CACNG7: variants seen among roughly 807,000 people sequenced by gnomAD.
The protein encoded by CACNG7 is voltage-dependent calcium channel gamma-7 subunit.
A neutral mutation model predicts 26.3 loss-of-function variants in CACNG7; 9 were observed. The ratio of observed to expected loss-of-function variants is 0.34; its 90% CI spans 0.21 to 0.60. The LOEUF (loss-of-function observed/expected upper bound fraction) is 0.60, where lower values mean the gene tolerates loss of function less well. CACNG7 is among the 20% of genes least tolerant of loss of function. The pLI is 0.81. For synonymous variants in CACNG7, 170 were observed against 157.0 expected, an observed-to-expected ratio of 1.08 and a Z score of -0.62; for missense variants, 297 against 380.4, an observed-to-expected ratio of 0.78 and a Z score of 1.82.
At chr19:53,924,809 CTTGCCCCAGGTCTGGTCATTGGTGGAG>C (rs2069010353) in intron 4 of CACNG7, among the ~76,000 whole-genome samples, 1 of 97,698 alleles carries the variant, frequency 1.0e-5, no homozygotes, top group African/African-American at 4.5e-5. Flanking sequence ...CATTGGTGGA[CTTGCCCCAGGTCTGGTCATTGGTGGAG>C]TTGCCCCAGG....
In CACNG7 at chr19:53,940,085, T is replaced by C. The variant is rs2069128281; in HGVS notation, c.425-1385T>C. Among the ~76,000 whole-genome samples the C allele has an allele frequency of 1.3e-5, 2 of 152,112 alleles. No individual in the cohort carries two copies. Among genetic ancestry groups the C allele is most frequent in the South Asian group, 2.1e-4 (1 of 4,816 alleles). On this transcript the variant is annotated intron_variant, in intron 4 of 5. Coordinates refer to ENST00000391767, the MANE Select transcript of CACNG7 (RefSeq NM_031896.5). The surrounding 1 kb of genome is among the most constrained non-coding windows in gnomAD (Gnocchi z 4.1). ...GTAGGATTCTAGGGGAAGAGGTTGA[T>C]AGGGATTAGTTAGATACATTTAAGG... is the stretch of plus-strand genomic sequence containing the variant.
intron 4 of CACNG7, among the ~76,000 whole-genome samples, chr19:53,923,061 G>C (rs1162307937): frequency 1.6e-5 from 2 of 124,598 alleles, no homozygotes; most frequent in Non-Finnish European, 3.3e-5. Flanking sequence ...CATTGGTGCA[G>C]TTGTCCCCAG....
chr19:53,937,483 A>G (rs2069111987), intron 4 of CACNG7, among the ~76,000 whole-genome samples: 2 of 152,144 alleles, frequency 1.3e-5, no homozygotes. Context: ...GTGGTAGCTC[A>G]TCATATTTTT....
Position 53,913,010 on chromosome 19 carries a change from G to C in CACNG7, c.179G>C (p.Arg60Pro). ...VKMALHAGLWRVCFFAGREKG... is the reference protein window; with the variant it reads ...VKMALHAGLWPVCFFAGREKG... ...ATGGCCCTGCACGCCGGCCTCTGGC[G>C]AGTCTGCTTCTTTGCAGGTACAGCC... Residue 60 changes from arginine to proline, a missense_variant, in exon 2 of 6, where the codon CGA (arginine) becomes CCA (proline). Coordinates refer to ENST00000391767, the MANE Select transcript of CACNG7 (RefSeq NM_031896.5). The C allele has an allele frequency of 6.2e-7, 1 of 1,611,662 alleles. No homozygotes were observed. Among genetic ancestry groups the C allele is most frequent in the Non-Finnish European group, 8.5e-7 (1 of 1,178,170 alleles).
Position 53,941,882 on chromosome 19 carries a change from C to T in CACNG7, c.571-154C>T, listed in dbSNP as rs530496577. ...CCTGAGGGCTTGGACTCCTGAGGTC[C>T]CGGGGAAAGAGAGGGCTGGAGCCCT... On this transcript the variant is annotated intron_variant, in intron 5 of 5. Transcript: ENST00000391767. Among the ~76,000 whole-genome samples, 77 of 151,970 alleles carry T rather than the reference C, an allele frequency of 5.1e-4. No homozygotes were observed. In the Middle Eastern group the frequency reaches 0.014, roughly 27 times the overall value.
At chr19:53,919,405 CCTGGTCATTGGTGGACTTGCCCCAGG>C (rs2068920795) in intron 4 of CACNG7, among the ~76,000 whole-genome samples, 5 of 143,484 alleles carry the variant, frequency 3.5e-5, no homozygotes, top group East Asian at 2.2e-4. Flanking sequence ...TGTCCCCAGG[CCTGGTCATTGGTGGACTTGCCCCAGG>C]CTGGTCATTG....
chr19:53,913,679 G>A (rs188270306), intron 2 of CACNG7, among the ~76,000 whole-genome samples: 5 of 151,502 alleles, frequency 3.3e-5, no homozygotes, highest in African/African-American at 1.2e-4. Flanking sequence ...AGTTATTCAG[G>A]AGGCTGAGGT....
At position 53,930,177 on chromosome 19, in the gene CACNG7, CTCTA is replaced by C. The variant is rs575001135; in HGVS notation, c.425-11289_425-11286del. Reference sequence around the variant, plus strand: ...ATCCAAGGTTTTTAAATGTTTTTCTCTCTATCTCTCTATCTTTCCCTCCTACCTC... The same window carrying C: ...ATCCAAGGTTTTTAAATGTTTTTCTCTCTCTCTATCTTTCCCTCCTACCTC... On this transcript the variant is annotated intron_variant, in intron 4 of 5. Coordinates refer to ENST00000391767, the MANE Select transcript of CACNG7 (RefSeq NM_031896.5). Among the ~76,000 whole-genome samples, 437 of 147,658 alleles carry C rather than the reference CTCTA, an allele frequency of 3.0e-3. 4 individuals carry two copies. Among genetic ancestry groups the C allele is most frequent in the African/African-American group, 0.01 (415 of 40,122 alleles).
chr19:53,941,195 C>A (rs2069135327), intron 4 of CACNG7, among the ~76,000 whole-genome samples: 1 of 152,188 alleles, frequency 6.6e-6, no homozygotes, highest in Non-Finnish European at 1.5e-5. Context: ...CTTGTAGCAC[C>A]TATCACCTTA....
chr19:53,912,657 C>A lies in CACNG7; in HGVS notation c.-29-146C>A. On this transcript the variant is annotated intron_variant, in intron 1 of 5. Transcript: ENST00000391767. The surrounding 1 kb of genome is among the most constrained non-coding windows in gnomAD (Gnocchi z 4.6). ...TCTGGTCAGACTCTAGGGTTGGGGT[C>A]ATGGGTCAGGCCACGGAGGTCAGAT... 1.6e-6 allele frequency: 1 copy of A among 628,106 alleles called. No individual in the cohort carries two copies. Among genetic ancestry groups the A allele is most frequent in the Non-Finnish European group, 2.8e-6 (1 of 360,964 alleles). 38.9% of individuals were successfully genotyped at this position (628,106 alleles called of 1,614,324 possible). A position where few individuals can be genotyped will look rare whatever the true frequency, so the allele number is the denominator to read the frequency against.
In CACNG7 at chr19:53,941,531, C is replaced by T; in HGVS notation, c.486C>T (p.Asn162=). Residue 162 remains asparagine (N), a synonymous_variant, in exon 5 of 6, where the codon AAC becomes AAT. Coordinates refer to ENST00000391767, the MANE Select transcript of CACNG7 (RefSeq NM_031896.5). ...YISSINDEVM[N]RPSSSEQYFH... ...CCAGCATCAACGACGAGGTCATGAA[C>T]AGGCCCAGCAGCTCTGAGCAGTATT... is the stretch of plus-strand genomic sequence containing the variant. 2 of 1,602,684 alleles carry T rather than the reference C, an allele frequency of 1.2e-6. No individual in the cohort carries two copies. The highest frequency in any genetic ancestry group is 1.7e-6 in the Non-Finnish European group (2 of 1,176,188).
intron 4 of CACNG7, among the ~76,000 whole-genome samples, chr19:53,925,330 G>T (rs1288408820): frequency 6.9e-6 from 1 of 145,690 alleles, no homozygotes; most frequent in Non-Finnish European, 1.5e-5. Flanking sequence ...CCCAGGCCTG[G>T]TCATTGGTGG....
In CACNG7 at chr19:53,942,596, T is replaced by A; in HGVS notation, c.*303T>A. 7.9e-7 allele frequency: 1 copy of A among 1,266,608 alleles called. No individual in the cohort carries two copies. The highest frequency in any genetic ancestry group is 1.0e-6 in the Non-Finnish European group (1 of 1,001,572). The allele number at this position is 1,266,608 out of a possible 1,614,324, so 78.5% of individuals were successfully genotyped here. A position where few individuals can be genotyped will look rare whatever the true frequency, so the allele number is the denominator to read the frequency against. Reference sequence around the variant, plus strand: ...CTCTCCAAGAAAATTAGCTCCTCCCTCGTTCTCCACCTGCTCTGAGCTGGG... The same window carrying A: ...CTCTCCAAGAAAATTAGCTCCTCCCACGTTCTCCACCTGCTCTGAGCTGGG... On this transcript the variant is annotated 3_prime_UTR_variant, in exon 6 of 6. Transcript: ENST00000391767. This position sits in a 1 kb window ranked among gnomAD's most constrained non-coding sequence, Gnocchi z 5.9.
intron 4 of CACNG7, among the ~76,000 whole-genome samples, chr19:53,926,533 C>A (rs1180749018): frequency 1.3e-5 from 2 of 152,128 alleles, no homozygotes; most frequent in East Asian, 3.9e-4. Flanking sequence ...CTATCACATG[C>A]TTTATTTCAT....
At chr19:53,916,905 C>T (rs1039942395) in intron 4 of CACNG7, among the ~76,000 whole-genome samples, 3 of 151,532 alleles carry the variant, frequency 2.0e-5, no homozygotes, top group Non-Finnish European at 4.4e-5. Context: ...TCAAGCGATT[C>T]TCCTGTCTCA....
intron 4 of CACNG7, among the ~76,000 whole-genome samples, chr19:53,928,078 A>G (rs1299595734): frequency 4.1e-5 from 6 of 147,236 alleles, no homozygotes; most frequent in Non-Finnish European, 9.1e-5. Context: ...GGAGGGGAGA[A>G]AAAGAGAAAG....
At chr19:53,930,824 C>T (rs1033289702) in intron 4 of CACNG7, among the ~76,000 whole-genome samples, 3 of 152,218 alleles carry the variant, frequency 2.0e-5, no homozygotes, top group South Asian at 4.2e-4. Context: ...TTTTTAAACA[C>T]ACCACACACA....
chr19:53,912,909 C>A lies in CACNG7; in HGVS notation c.78C>A (p.Ile26=). The change falls in exon 2 of 6, where the codon ATC becomes ATA. Residue 26 remains isoleucine (I), a synonymous_variant. Transcript: ENST00000391767. The surrounding 1 kb of genome is among the most constrained non-coding windows in gnomAD (Gnocchi z 4.6). ...FGACGLLLVG[I]AVSTDYWLYM... is the part of the protein sequence containing the mutation. ...CGTGTGGCCTGCTCCTGGTAGGCAT[C>A]GCGGTCAGCACTGACTACTGGCTGT... is the stretch of plus-strand genomic sequence containing the variant. 6.2e-7 allele frequency: 1 copy of A among 1,614,092 alleles called. No homozygotes were observed. Among genetic ancestry groups the A allele is most frequent in the Non-Finnish European group, 8.5e-7 (1 of 1,180,028 alleles).
chr19:53,911,003 C>T (rs900910261), intron 1 of CACNG7, among the ~76,000 whole-genome samples: 2 of 150,994 alleles, frequency 1.3e-5, no homozygotes, highest in Non-Finnish European at 2.9e-5. Flanking sequence ...GATGAGAGAC[C>T]GTTGTTTGAC....
Sources: gnomAD v4.1 joint callset for allele counts (sites outside exome capture counted in the v4.1 genomes callset) on GRCh38, gnomAD v4.1.1 for gene constraint, Gnocchi (gnomAD v3.1) non-coding constraint, MANE v1.5 for transcripts, NCBI Gene and HGNC (gene_info 2026-07-23, HGNC 2026-07-21) for gene names.